RFX3: variants seen among roughly 807,000 people sequenced by gnomAD.
RFX3 encodes the protein regulatory factor X3.
A neutral mutation model predicts 98.6 loss-of-function variants in RFX3; 14 were observed. That is an observed-to-expected ratio of 0.14 (90% CI 0.09 to 0.22). The LOEUF (loss-of-function observed/expected upper bound fraction) is 0.22, where lower values mean the gene tolerates loss of function less well. Ranked by LOEUF, RFX3 falls within the 10% of genes least tolerant of loss-of-function variation. The pLI is 1.00. For synonymous variants in RFX3, 383 were observed against 328.4 expected (o/e 1.17, Z -1.80); for missense variants, 639 against 926.9 (o/e 0.69, Z 4.03).
intron 4 of RFX3, among the ~76,000 whole-genome samples, chr9:3,310,784 C>G (rs1829867170): frequency 6.6e-6 from 1 of 152,042 alleles, no homozygotes; most frequent in African/African-American, 2.4e-5. Context: ...TGCTTAAATT[C>G]AACATCATTG....
intron 4 of RFX3, among the ~76,000 whole-genome samples, chr9:3,317,122 T>C (rs570746714): frequency 3.3e-5 from 5 of 152,224 alleles, no homozygotes; most frequent in Admixed American, 6.5e-5. Flanking sequence ...CAAACTATAC[T>C]ACAAGGCTAC....
chr9:3,407,513 C>T (rs1022271621), intron 1 of RFX3, among the ~76,000 whole-genome samples: 1 of 152,082 alleles, frequency 6.6e-6, no homozygotes, highest in African/African-American at 2.4e-5. Context: ...AGAGTGAGAA[C>T]TTGAATATGC....
intron 9 of RFX3, among the ~76,000 whole-genome samples, chr9:3,272,028 T>G (rs993318144): frequency 6.6e-6 from 1 of 152,144 alleles, no homozygotes; most frequent in Admixed American, 6.6e-5. Context: ...CAGATGCATC[T>G]AAGACTTTTT....
intron 1 of RFX3, among the ~76,000 whole-genome samples, chr9:3,422,182 C>G (rs1161796684): frequency 6.6e-6 from 1 of 152,116 alleles, no homozygotes; most frequent in East Asian, 1.9e-4. Flanking sequence ...GCTAAATCTT[C>G]CTGGCACAAA....
At chr9:3,414,954 G>C (rs1339921303) in intron 1 of RFX3, among the ~76,000 whole-genome samples, 22 of 131,252 alleles carry the variant, frequency 1.7e-4, no homozygotes, top group African/African-American at 5.3e-4. Context: ...ACATATATGT[G>C]TGTGTATATA....
chr9:3,505,209 T>C (rs1320140681), intron 1 of RFX3, among the ~76,000 whole-genome samples: 3 of 82,280 alleles, frequency 3.6e-5, no homozygotes, highest in Non-Finnish European at 6.3e-5. Context: ...TTTATATATA[T>C]ATGAATATAT....
At chr9:3,329,705 T>C (rs575871182) in intron 4 of RFX3, among the ~76,000 whole-genome samples, 11 of 152,284 alleles carry the variant, frequency 7.2e-5, no homozygotes, top group African/African-American at 2.6e-4. Context: ...TTTTCTATTT[T>C]AAAAGTGAGT....
intron 4 of RFX3, among the ~76,000 whole-genome samples, chr9:3,313,865 G>A (rs888579893): frequency 1.1e-4 from 17 of 152,118 alleles, no homozygotes; most frequent in Non-Finnish European, 2.4e-4. Context: ...AAGAAATATG[G>A]GACTATGTGA....
chr9:3,451,641 G>A (rs1846646154), intron 1 of RFX3, among the ~76,000 whole-genome samples: 2 of 152,090 alleles, frequency 1.3e-5, no homozygotes, highest in South Asian at 4.2e-4. Flanking sequence ...CCCTCAGGAA[G>A]GTGGAACATA....
At chr9:3,504,832 T>C (rs1289129809) in intron 1 of RFX3, among the ~76,000 whole-genome samples, 3 of 87,176 alleles carry the variant, frequency 3.4e-5, no homozygotes, top group African/African-American at 1.7e-4. Context: ...ATATAAAATA[T>C]GTATAAAATA....
At chr9:3,505,200 TTATA>T (rs541112916) in intron 1 of RFX3, among the ~76,000 whole-genome samples, 12 of 65,448 alleles carry the variant, frequency 1.8e-4, no homozygotes, top group African/African-American at 5.5e-4. Context: ...GAATATATAT[TTATA>T]TATATATGAA....
chr9:3,291,828 C>T (rs192272092), intron 6 of RFX3, among the ~76,000 whole-genome samples: 9 of 151,346 alleles, frequency 5.9e-5, no homozygotes, highest in South Asian at 4.2e-4. Context: ...TTTGGGAGGC[C>T]GAGGCAGGTG....
At chr9:3,467,037 TATATATATATGTATATACATAC>T (rs1848292328) in intron 1 of RFX3, among the ~76,000 whole-genome samples, 2 of 98,988 alleles carry the variant, frequency 2.0e-5, no homozygotes, top group Admixed American at 1.9e-4. Context: ...ATTATATATA[TATATATATATGTATATACATAC>T]ATATATATAA....
chr9:3,495,852 T>C (rs951457581), intron 1 of RFX3, among the ~76,000 whole-genome samples: 3 of 152,096 alleles, frequency 2.0e-5, no homozygotes, highest in Non-Finnish European at 4.4e-5. Flanking sequence ...TTCAAACCAC[T>C]TCTATTCTTT....
At chr9:3,399,344 T>A (rs1841244810) in intron 1 of RFX3, among the ~76,000 whole-genome samples, 1 of 151,448 alleles carries the variant, frequency 6.6e-6, no homozygotes, top group South Asian at 2.1e-4. Context: ...CTATGGAGGC[T>A]GAGACAGGAG....
At chr9:3,350,381 T>C (rs1221606704) in intron 2 of RFX3, among the ~76,000 whole-genome samples, 1 of 152,130 alleles carries the variant, frequency 6.6e-6, no homozygotes, top group Non-Finnish European at 1.5e-5. Context: ...AAATGCTGAA[T>C]TAGAATGGCC....
chr9:3,508,466 T>C (rs1223417576), intron 1 of RFX3, among the ~76,000 whole-genome samples: 7 of 152,004 alleles, frequency 4.6e-5, no homozygotes, highest in African/African-American at 1.2e-4. Context: ...GTAAAATGAA[T>C]GTAATGCATT....
intron 15 of RFX3, among the ~76,000 whole-genome samples, chr9:3,245,189 T>C (rs1411498785): frequency 6.6e-6 from 1 of 152,200 alleles, no homozygotes; most frequent in Non-Finnish European, 1.5e-5. Flanking sequence ...CTTGAACTGT[T>C]TAAGGTATTC....
At chr9:3,313,453 G>C (rs2130535927) in intron 4 of RFX3, among the ~76,000 whole-genome samples, 1 of 152,336 alleles carries the variant, frequency 6.6e-6, no homozygotes, top group East Asian at 1.9e-4. Flanking sequence ...AAAAATCAAA[G>C]TGCTTCTTCT....
Sources: gnomAD v4.1 joint callset for allele counts (sites outside exome capture counted in the v4.1 genomes callset) on GRCh38, gnomAD v4.1.1 for gene constraint, MANE v1.5 for transcripts, NCBI Gene and HGNC (gene_info 2026-07-23, HGNC 2026-07-21) for gene names.